Variants in UTP18 observed in about 807,000 individuals in gnomAD.
The protein encoded by UTP18 is UTP18 small subunit processome component.
Under a neutral mutation model 61.1 loss-of-function variants are expected in UTP18, and 36 were observed. That is an observed-to-expected ratio of 0.59 (90% CI 0.45 to 0.78). The LOEUF (loss-of-function observed/expected upper bound fraction) is 0.78. Among genes scored for constraint, UTP18 ranks in the 30% least tolerant of loss-of-function variants. The probability of loss-of-function intolerance (pLI) is 0.00; values close to 1 mark genes in which losing one functional copy is unlikely to be tolerated. For missense variants in UTP18, 753 were observed against 693.9 expected (o/e 1.09, Z -0.96); for synonymous variants, 282 against 251.1 (o/e 1.12, Z -1.16).
chr17:51,285,664 C>T (rs1386297435), intron 10 of UTP18, among the ~76,000 whole-genome samples: 3 of 152,204 alleles, frequency 2.0e-5, no homozygotes, highest in South Asian at 2.1e-4. Flanking sequence ...ACCACATTCA[C>T]GTAACTTTTA....
intron 4 of UTP18, 29 bp from the exon 5 acceptor site, chr17:51,273,333 G>A: frequency 1.9e-6 from 3 of 1,567,068 alleles, no homozygotes; most frequent in Non-Finnish European, 2.6e-6. Context: ...TGATTCTAAA[G>A]ATCAGCCTTC....
intron 9 of UTP18, among the ~76,000 whole-genome samples, chr17:51,281,910 TC>T (rs1904940299): frequency 6.6e-6 from 1 of 152,244 alleles, no homozygotes; most frequent in Non-Finnish European, 1.5e-5. Context: ...TTACTTAAAA[TC>T]ATCAGCCCTT....
At chr17:51,285,466 T>C in intron 10 of UTP18, 98 bp downstream of exon 10, 1 of 1,402,952 alleles carries the variant, frequency 7.1e-7, no homozygotes, top group Admixed American at 2.2e-5. Flanking sequence ...TAGTTCTCTT[T>C]ATAAACTATT....
Position 51,295,126 on chromosome 17 carries a change from C to A in UTP18, c.1646+1081C>A, listed in dbSNP as rs952703830. Among the ~76,000 whole-genome samples, 285 of 152,118 alleles carry A rather than the reference C, an allele frequency of 1.9e-3. 1 individual carries two copies. The highest frequency in any genetic ancestry group is 6.2e-3 in the African/African-American group (257 of 41,484). On this transcript the variant is annotated intron_variant, in intron 12 of 13. Transcript: ENST00000225298. ...CCTTTGTCAGATGAGTAGGTTGCGA[C>A]AATTTTCTCCCATTTTGTAGGTTGC... is the stretch of plus-strand genomic sequence containing the variant.
In UTP18 at chr17:51,277,299, T is replaced by G. The variant is rs777400353; in HGVS notation, c.1007T>G (p.Val336Gly). 1 of 1,613,772 alleles carries G rather than the reference T, an allele frequency of 6.2e-7. No homozygotes were observed. The highest frequency in any genetic ancestry group is 8.5e-7 in the Non-Finnish European group (1 of 1,179,892). Residue 336 changes from valine (V) to glycine (G), a missense_variant, in exon 7 of 14, where the codon GTG becomes GGG. By Grantham distance (109) the Val-to-Gly change is moderately radical (BLOSUM62 -3). Transcript: ENST00000225298. ...LAGKLIPVHQ[V>G]RGLKEKIVRS... ...GGAAAGTTAATTCCTGTGCATCAAGTGAGAGGTAAGATTTCTGTTGAATGC... is the reference window on the plus strand; with the variant it reads ...GGAAAGTTAATTCCTGTGCATCAAGGGAGAGGTAAGATTTCTGTTGAATGC...
At chr17:51,273,273 G>T in intron 4 of UTP18, 89 bp from the exon 5 acceptor site, 1 of 910,292 alleles carries the variant, frequency 1.1e-6, no homozygotes, top group Non-Finnish European at 1.6e-6. Flanking sequence ...GGGAGTTGAT[G>T]TTGAAAATAT....
chr17:51,276,897 A>G (rs1344568844), intron 6 of UTP18, among the ~76,000 whole-genome samples: 4 of 151,958 alleles, frequency 2.6e-5, no homozygotes, highest in Non-Finnish European at 4.4e-5. Context: ...CCTCCTCAGC[A>G]CCTCCGTGTG....
chr17:51,281,699 T>C (rs1181114155), intron 9 of UTP18, among the ~76,000 whole-genome samples: 1 of 152,242 alleles, frequency 6.6e-6, no homozygotes, highest in East Asian at 1.9e-4. Context: ...TGTTGTCCTG[T>C]AGTTATGCAA....
At position 51,293,467 on chromosome 17, in the gene UTP18, A is replaced by G. The variant is rs1054859944; in HGVS notation, c.1504-436A>G. On this transcript the variant is annotated intron_variant, in intron 11 of 13. Coordinates refer to ENST00000225298, the MANE Select transcript of UTP18 (RefSeq NM_016001.3). Reference sequence around the variant, plus strand: ...CAGGACGGTTTGATTGTGGCCCAACACTAATTTGTAAACTTTCTTAAAACA... The same window carrying G: ...CAGGACGGTTTGATTGTGGCCCAACGCTAATTTGTAAACTTTCTTAAAACA... 2.0e-5 allele frequency among the ~76,000 whole-genome samples: 3 copies of G among 150,692 alleles called. No individual in the cohort carries two copies. In the Admixed American group the frequency reaches 2.0e-4, roughly 10 times the overall value.
At chr17:51,296,895 C>T in intron 12 of UTP18, 70 bp from the exon 13 acceptor site, 1 of 1,466,276 alleles carries the variant, frequency 6.8e-7, no homozygotes. Flanking sequence ...AAGTGCCCTT[C>T]TGTGATCTAA....
intron 11 of UTP18, among the ~76,000 whole-genome samples, chr17:51,291,203 T>A (rs1186614172): frequency 6.6e-6 from 1 of 151,850 alleles, no homozygotes; most frequent in African/African-American, 2.4e-5. Flanking sequence ...AGAAGTTGGA[T>A]CTTTATAGGC....
chr17:51,269,050 C>A, intron 4 of UTP18, 146 bp downstream of exon 4: 2 of 740,036 alleles, frequency 2.7e-6, no homozygotes, highest in African/African-American at 1.8e-5. Flanking sequence ...GCTTTGGGAG[C>A]CCGAGGCGGG....
chr17:51,294,314 G>A (rs1328601969), intron 12 of UTP18, among the ~76,000 whole-genome samples: 1 of 150,920 alleles, frequency 6.6e-6, no homozygotes, highest in East Asian at 2.0e-4. Flanking sequence ...TCGTCATTTA[G>A]CATTAGGTAT....
chr17:51,265,582 T>C (rs79657844), intron 2 of UTP18, among the ~76,000 whole-genome samples: 1 of 147,304 alleles, frequency 6.8e-6, no homozygotes, highest in African/African-American at 2.5e-5. Context: ...TTTTTTTTTT[T>C]TGAGACAGTC....
At chr17:51,290,034 G>A (rs1295562108) in intron 11 of UTP18, among the ~76,000 whole-genome samples, 1 of 152,170 alleles carries the variant, frequency 6.6e-6, no homozygotes, top group Non-Finnish European at 1.5e-5. Context: ...CAAGGAGGAG[G>A]CTAAGCTCCT....
chr17:51,293,502 GT>G (rs5820850), intron 11 of UTP18, among the ~76,000 whole-genome samples: 75,760 of 143,890 alleles, frequency 0.53, 19,365 homozygotes, highest in East Asian at 0.63. Context: ...ATGAGTTGTT[GT>G]TTTTTTTTTT....
chr17:51,280,821 A>C (rs1904889723), intron 9 of UTP18, among the ~76,000 whole-genome samples: 1 of 151,408 alleles, frequency 6.6e-6, no homozygotes, highest in Non-Finnish European at 1.5e-5. Context: ...TCAATAAAAA[A>C]ATTTTTTTTT....
At chr17:51,297,041 A>G in intron 13 of UTP18, 38 bp downstream of exon 13, 1 of 1,556,854 alleles carries the variant, frequency 6.4e-7, no homozygotes, top group Non-Finnish European at 8.8e-7. Flanking sequence ...TGCAGGTTTT[A>G]AGATACACCC....
intron 12 of UTP18, 119 bp from the exon 13 acceptor site, chr17:51,296,846 A>G: frequency 1.1e-6 from 1 of 924,536 alleles, no homozygotes; most frequent in Non-Finnish European, 1.6e-6. Context: ...CCTGGTGTGA[A>G]TGATTGTGAT....
Sources: gnomAD v4.1 joint callset for allele counts (sites outside exome capture counted in the v4.1 genomes callset) on GRCh38, gnomAD v4.1.1 for gene constraint, MANE v1.5 for transcripts, NCBI Gene and HGNC (gene_info 2026-07-23, HGNC 2026-07-21) for gene names.